XKR9: variants seen among roughly 807,000 people sequenced by gnomAD.
The protein encoded by XKR9 is XK related 9, also known as XK-related protein 9.
In XKR9, 32 loss-of-function variants were observed where a neutral mutation model predicts 32.0. The ratio of observed to expected loss-of-function variants is 1.00; its 90% confidence interval spans 0.76 to 1.34. The LOEUF is 1.34. Ranked by LOEUF, XKR9 falls within the 40% of genes most tolerant of loss-of-function variation. The pLI is 0.00. For synonymous variants in XKR9, 168 were observed against 143.4 expected, an observed-to-expected ratio of 1.17 and a Z score of -1.22; for missense variants, 546 against 429.7, an observed-to-expected ratio of 1.27 and a Z score of -2.39.
intron 4 of XKR9, among the ~76,000 whole-genome samples, chr8:70,713,974 A>G (rs1806007041): frequency 6.6e-6 from 1 of 152,116 alleles, no homozygotes; most frequent in South Asian, 2.1e-4. Flanking sequence ...AGGTGCCAAT[A>G]GGGTTGGTTT....
chr8:71,017,363 G>A, the XKR9 span, among the ~76,000 whole-genome samples: 802 of 152,268 alleles, frequency 5.3e-3, 9 homozygotes, highest in African/African-American at 0.018. Context: ...TTGCTATGAC[G>A]TTCTGCTTAT....
chr8:70,820,945 A>G, the XKR9 span, among the ~76,000 whole-genome samples: 1 of 152,070 alleles, frequency 6.6e-6, no homozygotes, highest in East Asian at 1.9e-4. Flanking sequence ...TCCCTTTCAC[A>G]TTTTAAAACC....
At chr8:70,851,530 C>G in the XKR9 span, among the ~76,000 whole-genome samples, 10 of 152,176 alleles carry the variant, frequency 6.6e-5, no homozygotes, top group Non-Finnish European at 1.0e-4. Context: ...TGACTTCAAA[C>G]TATACTACAA....
the XKR9 span, among the ~76,000 whole-genome samples, chr8:70,974,971 G>A: frequency 1.3e-5 from 2 of 152,124 alleles, no homozygotes; most frequent in Admixed American, 1.3e-4. Flanking sequence ...GTTTTGATTT[G>A]CATTTCTCTG....
the XKR9 span, among the ~76,000 whole-genome samples, chr8:70,925,201 A>C: frequency 6.6e-6 from 1 of 152,156 alleles, no homozygotes; most frequent in Admixed American, 6.5e-5. Context: ...CATGTACTTA[A>C]ATTTATCTCC....
intron 2 of XKR9, among the ~76,000 whole-genome samples, chr8:70,764,608 ATACTT>A (rs1382698851): frequency 6.6e-6 from 1 of 152,150 alleles, no homozygotes; most frequent in Non-Finnish European, 1.5e-5. Context: ...TTGTTTTATT[ATACTT>A]TAAATTCTGG....
the XKR9 span, among the ~76,000 whole-genome samples, chr8:71,010,666 G>A: frequency 5.9e-5 from 9 of 152,148 alleles, no homozygotes; most frequent in Admixed American, 3.3e-4. Flanking sequence ...AAGGCCAAGG[G>A]GATTGCAAAG....
chr8:70,777,461 G>T (rs1586894477), intron 2 of XKR9, among the ~76,000 whole-genome samples: 1 of 151,994 alleles, frequency 6.6e-6, no homozygotes, highest in Non-Finnish European at 1.5e-5. Flanking sequence ...TAATCCTTTG[G>T]GTATATACCC....
At chr8:71,006,207 G>T in the XKR9 span, among the ~76,000 whole-genome samples, 1 of 152,358 alleles carries the variant, frequency 6.6e-6, no homozygotes, top group Admixed American at 6.5e-5. Flanking sequence ...GATATTCCAG[G>T]AATCCAAGTC....
At chr8:70,848,781 A>G in the XKR9 span, among the ~76,000 whole-genome samples, 1 of 150,300 alleles carries the variant, frequency 6.7e-6, no homozygotes. Context: ...AAAAAAAAAA[A>G]AGAGCAGGAG....
chr8:70,685,996 T>C (rs1356343053), intron 3 of XKR9, among the ~76,000 whole-genome samples: 2 of 151,926 alleles, frequency 1.3e-5, no homozygotes, highest in East Asian at 3.8e-4. Flanking sequence ...GTGCTCTTCC[T>C]TTCTTTATAT....
chr8:70,852,398 A>G, the XKR9 span, among the ~76,000 whole-genome samples: 1 of 152,222 alleles, frequency 6.6e-6, no homozygotes, highest in Non-Finnish European at 1.5e-5. Flanking sequence ...CTAGAACTAG[A>G]AATACCTTTG....
chr8:70,726,648 C>T (rs895465814), intron 4 of XKR9, among the ~76,000 whole-genome samples: 1 of 152,136 alleles, frequency 6.6e-6, no homozygotes, highest in Non-Finnish European at 1.5e-5. Context: ...GCAATGGCTA[C>T]CAAGAGGTGG....
At chr8:70,913,577 A>G in the XKR9 span, among the ~76,000 whole-genome samples, 2 of 152,174 alleles carry the variant, frequency 1.3e-5, no homozygotes, top group African/African-American at 4.8e-5. Flanking sequence ...GAAATATAAA[A>G]CATCATAGTT....
the XKR9 span, among the ~76,000 whole-genome samples, chr8:70,936,766 G>A: frequency 6.6e-6 from 1 of 151,984 alleles, no homozygotes; most frequent in African/African-American, 2.4e-5. Flanking sequence ...AGAAGTGCCT[G>A]AACTCTCATT....
intron 2 of XKR9, among the ~76,000 whole-genome samples, chr8:70,762,667 A>G (rs1807324267): frequency 6.6e-6 from 1 of 152,160 alleles, no homozygotes; most frequent in Non-Finnish European, 1.5e-5. Context: ...GAAAATAATA[A>G]TATATAAAGA....
chr8:70,694,438 G>A (rs1805189914), intron 3 of XKR9, among the ~76,000 whole-genome samples: 1 of 151,750 alleles, frequency 6.6e-6, no homozygotes, highest in South Asian at 2.1e-4. Context: ...CAGCTGGAAA[G>A]CTTTGTTGGG....
chr8:70,925,557 T>C, the XKR9 span, among the ~76,000 whole-genome samples: 12 of 152,314 alleles, frequency 7.9e-5, no homozygotes, highest in African/African-American at 2.9e-4. Flanking sequence ...ATTCTTGATA[T>C]AATAAATTTT....
chr8:70,983,261 T>C, the XKR9 span, among the ~76,000 whole-genome samples: 1 of 152,182 alleles, frequency 6.6e-6, no homozygotes, highest in Non-Finnish European at 1.5e-5. Context: ...ACTATTCCTA[T>C]TTGTTCTTTT....
Sources: gnomAD v4.1 joint callset for allele counts (sites outside exome capture counted in the v4.1 genomes callset) on GRCh38, gnomAD v4.1.1 for gene constraint, MANE v1.5 for transcripts, NCBI Gene and HGNC (gene_info 2026-07-23, HGNC 2026-07-21) for gene names.